Variants in PCDHGA2 observed in about 807,000 individuals in gnomAD.
PCDHGA2 encodes the protein protocadherin gamma subfamily A, 2.
A neutral mutation model predicts 59.2 loss-of-function variants in PCDHGA2; 40 were observed. The ratio of observed to expected loss-of-function variants is 0.68; its 90% CI spans 0.52 to 0.88. The LOEUF is 0.88. Among genes scored for constraint, PCDHGA2 ranks in the 40% least tolerant of loss-of-function variants. The probability of loss-of-function intolerance (pLI) is 0.00; values close to 1 mark genes in which losing one functional copy is unlikely to be tolerated. For missense variants in PCDHGA2, 1,226 were observed against 1,204.0 expected (o/e 1.02, Z -0.27); for synonymous variants, 560 against 526.0 (o/e 1.06, Z -0.89).
intron 1 of PCDHGA2, chr5:141,409,395 C>T: frequency 6.2e-7 from 1 of 1,614,030 alleles, no homozygotes; most frequent in South Asian, 1.1e-5. Flanking sequence ...TATTCTTCTT[C>T]CAATAACTAC....
In PCDHGA2 at chr5:141,432,571, G is replaced by C; in HGVS notation, c.2425-62236G>C. On this transcript the variant is annotated intron_variant, in intron 1 of 3. Transcript: ENST00000394576. The surrounding 1 kb of genome is among the most constrained non-coding windows in gnomAD (Gnocchi z 6.0). ...GAGACTCCGGCCAGAACGCCTGGCT[G>C]TCCTACCGTCTGCTCAAGGCCAGCG... The C allele has an allele frequency of 6.2e-7, 1 of 1,613,954 alleles. No individual in the cohort carries two copies. The highest frequency in any genetic ancestry group is 8.5e-7 in the Non-Finnish European group (1 of 1,179,992).
chr5:141,486,617 C>A lies in PCDHGA2; in HGVS notation c.2425-8190C>A. On this transcript the variant is annotated intron_variant, in intron 1 of 3. Coordinates refer to ENST00000394576, the MANE Select transcript of PCDHGA2 (RefSeq NM_018915.4). The surrounding 1 kb of genome is among the most constrained non-coding windows in gnomAD (Gnocchi z 5.0). The stretch of plus-strand genomic sequence containing the variant: ...GCTTTGCTCCCTTGCAGCCTCTGAC[C>A]CAGACTCTGGCTTGAATGCGCTTAT... The A allele has an allele frequency of 1.2e-6, 2 of 1,613,602 alleles. No homozygotes were observed. The highest frequency in any genetic ancestry group is 2.2e-5 in the East Asian group (1 of 44,874).
chr5:141,478,497 C>A (rs746475685), intron 1 of PCDHGA2: 2 of 1,612,820 alleles, frequency 1.2e-6, no homozygotes, highest in Non-Finnish European at 1.7e-6. Context: ...AGCTGTGATC[C>A]GGTGTTCTAT....
At chr5:141,435,346 G>A (rs2097758346) in intron 1 of PCDHGA2, among the ~76,000 whole-genome samples, 1 of 152,012 alleles carries the variant, frequency 6.6e-6, no homozygotes, top group South Asian at 2.1e-4. Flanking sequence ...TATTTCTTCT[G>A]CATTTAAAAT....
At chr5:141,456,404 G>A (rs935040352) in intron 1 of PCDHGA2, among the ~76,000 whole-genome samples, 4 of 152,104 alleles carry the variant, frequency 2.6e-5, no homozygotes, top group Non-Finnish European at 4.4e-5. Flanking sequence ...TTGCTTCTAG[G>A]CGAGAAGAAA....
Position 141,340,331 on chromosome 5 carries a change from C to T in PCDHGA2, c.1360C>T (p.Arg454Cys), listed in dbSNP as rs150266542. 430 of 1,614,046 alleles carry T rather than the reference C, an allele frequency of 2.7e-4. No individual in the cohort carries two copies. Among genetic ancestry groups the T allele is most frequent in the Non-Finnish European group, 3.4e-4 (403 of 1,180,026 alleles). Reference protein sequence around the residue: ...DINDNAPAFSRTSYSTYIPEN... With the variant: ...DINDNAPAFSCTSYSTYIPEN... Reference sequence around the variant, plus strand: ...CAACGACAACGCACCCGCCTTCTCCCGCACATCCTACTCCACCTACATTCC... The same window carrying T: ...CAACGACAACGCACCCGCCTTCTCCTGCACATCCTACTCCACCTACATTCC... The change falls in exon 1 of 4, where the codon CGC becomes TGC. Residue 454 changes from arginine to cysteine, a missense_variant. Physicochemically the swap from Arg to Cys is radical, Grantham distance 180. Coordinates refer to ENST00000394576, the MANE Select transcript of PCDHGA2 (RefSeq NM_018915.4).
At position 141,473,299 on chromosome 5, in the gene PCDHGA2, G is replaced by A. The variant is rs182316672; in HGVS notation, c.2425-21508G>A. The stretch of plus-strand genomic sequence containing the variant: ...TATTTTACTATGTCAGTAGCATAAA[G>A]ATTGCTATATTAATAAGCATTAAGT... On this transcript the variant is annotated intron_variant, in intron 1 of 3. Coordinates refer to ENST00000394576, the MANE Select transcript of PCDHGA2 (RefSeq NM_018915.4). 5.6e-4 allele frequency among the ~76,000 whole-genome samples: 86 copies of A among 152,346 alleles called. 1 individual carries two copies. The highest frequency in any genetic ancestry group is 1.9e-3 in the African/African-American group (81 of 41,572).
Position 141,339,531 on chromosome 5 carries a change from A to T in PCDHGA2, c.560A>T (p.Asp187Val). 1 of 1,614,162 alleles carries T rather than the reference A, an allele frequency of 6.2e-7. No homozygotes were observed. Among genetic ancestry groups the T allele is most frequent in the Non-Finnish European group, 8.5e-7 (1 of 1,180,034 alleles). ...HFSLDVRRGA[D>V]GNKYPELVLE... ...TCCCTGGACGTGCGAAGGGGAGCTGATGGGAACAAGTACCCAGAACTGGTG... is the reference window on the plus strand; with the variant it reads ...TCCCTGGACGTGCGAAGGGGAGCTGTTGGGAACAAGTACCCAGAACTGGTG... Residue 187 changes from aspartate to valine, a missense_variant, in exon 1 of 4, where the codon GAT (aspartate) becomes GTT (valine). By Grantham distance (152) the Asp-to-Val change is radical. Transcript: ENST00000394576.
intron 1 of PCDHGA2, among the ~76,000 whole-genome samples, chr5:141,347,404 G>A (rs544331097): frequency 5.3e-5 from 8 of 151,972 alleles, no homozygotes; most frequent in Admixed American, 2.0e-4. Context: ...ATCTGCCCAC[G>A]TCAGCCTCCC....
chr5:141,453,101 T>TTTTTGTTTTG (rs879618609), intron 1 of PCDHGA2, among the ~76,000 whole-genome samples: 1 of 152,012 alleles, frequency 6.6e-6, no homozygotes, highest in Non-Finnish European at 1.5e-5. Flanking sequence ...TTCTGTTGCT[T>TTTTTGTTTTG]TTTTGTTTTG....
chr5:141,464,306 A>G (rs1438401635), intron 1 of PCDHGA2, among the ~76,000 whole-genome samples: 3 of 150,952 alleles, frequency 2.0e-5, no homozygotes. Context: ...TTGTATGTGC[A>G]CATATCATTA....
At position 141,493,026 on chromosome 5, in the gene PCDHGA2, C is replaced by G. The variant is rs73280358; in HGVS notation, c.2425-1781C>G. Reference sequence around the variant, plus strand: ...TAGGCTCTGCCAGATGCCAGGGTGCCCTTATGTGTGAGGAAACTACAATAG... The same window carrying G: ...TAGGCTCTGCCAGATGCCAGGGTGCGCTTATGTGTGAGGAAACTACAATAG... On this transcript the variant is annotated intron_variant, in intron 1 of 3. Coordinates refer to ENST00000394576, the MANE Select transcript of PCDHGA2 (RefSeq NM_018915.4). This position sits in a 1 kb window ranked among gnomAD's most constrained non-coding sequence, Gnocchi z 4.3. 0.039 allele frequency among the ~76,000 whole-genome samples: 5,923 copies of G among 152,298 alleles called. 150 individuals are homozygous for G. The highest frequency in any genetic ancestry group is 0.077 in the South Asian group (370 of 4,822).
At chr5:141,470,022 G>C (rs892106953) in intron 1 of PCDHGA2, among the ~76,000 whole-genome samples, 2 of 152,070 alleles carry the variant, frequency 1.3e-5, no homozygotes, top group African/African-American at 4.8e-5. Context: ...CCAGCTACTC[G>C]GGATGCTGAG....
chr5:141,375,011 G>C, intron 1 of PCDHGA2: 2 of 1,614,028 alleles, frequency 1.2e-6, no homozygotes, highest in Non-Finnish European at 1.7e-6. Context: ...TCTAGACTAT[G>C]AGGACTCGAG....
rs1228676619 is a variant in PCDHGA2, at chr5:141,388,743, A to T, written c.2424+47348A>T. 3 of 1,614,034 alleles carry T rather than the reference A, an allele frequency of 1.9e-6. No homozygotes were observed. The Admixed American group carries it at 5.0e-5, about 27-fold the overall frequency. On this transcript the variant is annotated intron_variant, in intron 1 of 3. Coordinates refer to ENST00000394576, the MANE Select transcript of PCDHGA2 (RefSeq NM_018915.4). ...TTTCTCTTTCAGTGAAGCTAGCCAG[A>T]TCACCCAATTTGACCTGAACTCTAA...
rs771138206 is a variant in PCDHGA2, at chr5:141,365,985, T to A, written c.2424+24590T>A. ...AGCAACGTGTCGCTGAGCCTGTTTG[T>A]GCTGGACCAGAACGACAATACGCCT... On this transcript the variant is annotated intron_variant, in intron 1 of 3. Coordinates refer to ENST00000394576, the MANE Select transcript of PCDHGA2 (RefSeq NM_018915.4). 6.2e-6 allele frequency: 10 copies of A among 1,614,116 alleles called. No individual in the cohort carries two copies. In the Admixed American group the frequency reaches 1.3e-4, roughly 22 times the overall value.
intron 1 of PCDHGA2, chr5:141,408,864 C>T: frequency 1.2e-6 from 2 of 1,613,638 alleles, no homozygotes; most frequent in Non-Finnish European, 8.5e-7. Context: ...GGGGACCCAC[C>T]AAGAAGTGCC....
At chr5:141,365,666 A>T in intron 1 of PCDHGA2, 4 of 1,613,398 alleles carry the variant, frequency 2.5e-6, no homozygotes, top group Non-Finnish European at 3.4e-6. Flanking sequence ...AGCAGACGTT[A>T]ATGACAACCC....
chr5:141,354,205 T>C (rs1162440808), intron 1 of PCDHGA2, among the ~76,000 whole-genome samples: 1 of 152,210 alleles, frequency 6.6e-6, no homozygotes, highest in Non-Finnish European at 1.5e-5. Flanking sequence ...CAGTCTAACT[T>C]TTCTTTTTAT....
Sources: allele counts gnomAD v4.1 joint callset (sites outside exome capture counted in the v4.1 genomes callset), GRCh38; gene constraint gnomAD v4.1.1; non-coding constraint Gnocchi (gnomAD v3.1); transcripts MANE v1.5; gene names NCBI Gene and HGNC (gene_info 2026-07-23, HGNC 2026-07-21).